GRXCR1: variants seen among roughly 807,000 people sequenced by gnomAD.
The protein encoded by GRXCR1 is glutaredoxin and cysteine rich domain containing 1.
A neutral mutation model predicts 27.3 loss-of-function variants in GRXCR1; 27 were observed. The ratio of observed to expected loss-of-function variants is 0.99; its 90% CI spans 0.73 to 1.37. GRXCR1 has a LOEUF of 1.37. Among genes scored for constraint, GRXCR1 ranks in the 40% most tolerant of loss-of-function variants. GRXCR1 has a pLI of 0.00. For synonymous variants in GRXCR1, 122 were observed against 131.1 expected (o/e 0.93, Z 0.47); for missense variants, 379 against 354.4 (o/e 1.07, Z -0.56).
At chr4:42,977,472 A>G (rs899003020) in intron 2 of GRXCR1, among the ~76,000 whole-genome samples, 1 of 151,668 alleles carries the variant, frequency 6.6e-6, no homozygotes. Flanking sequence ...CATTCTCACA[A>G]ACAATTATCT....
At chr4:42,910,872 A>C (rs1463150098) in intron 1 of GRXCR1, among the ~76,000 whole-genome samples, 3 of 151,226 alleles carry the variant, frequency 2.0e-5, no homozygotes, top group Non-Finnish European at 3.0e-5. Flanking sequence ...AAATGCTGCC[A>C]CTTTTTTTCT....
At chr4:42,997,156 ATTACC>A (rs1712193100) in intron 2 of GRXCR1, among the ~76,000 whole-genome samples, 1 of 152,112 alleles carries the variant, frequency 6.6e-6, no homozygotes, top group Non-Finnish European at 1.5e-5. Context: ...TTAATAGGTT[ATTACC>A]CATAGGTAAG....
intron 2 of GRXCR1, among the ~76,000 whole-genome samples, chr4:42,989,362 G>A (rs1158567822): frequency 6.6e-6 from 1 of 151,958 alleles, no homozygotes; most frequent in East Asian, 1.9e-4. Context: ...TATTGGATTA[G>A]GTCCTTACTC....
At chr4:42,941,430 T>C (rs1286611680) in intron 1 of GRXCR1, among the ~76,000 whole-genome samples, 1 of 152,082 alleles carries the variant, frequency 6.6e-6, no homozygotes, top group Non-Finnish European at 1.5e-5. Flanking sequence ...TTTGAATGCC[T>C]ATTGAGGAGG....
chr4:42,970,685 T>C (rs1380856663), intron 2 of GRXCR1, among the ~76,000 whole-genome samples: 1 of 152,168 alleles, frequency 6.6e-6, no homozygotes, highest in Non-Finnish European at 1.5e-5. Flanking sequence ...TTTTTCCTCC[T>C]AGGCCTCTGG....
chr4:42,926,748 C>G (rs1747167507), intron 1 of GRXCR1, among the ~76,000 whole-genome samples: 1 of 151,902 alleles, frequency 6.6e-6, no homozygotes, highest in African/African-American at 2.4e-5. Context: ...CTGAAGATGT[C>G]TTTCATTAAT....
chr4:42,980,462 G>A (rs535284159), intron 2 of GRXCR1, among the ~76,000 whole-genome samples: 1 of 151,874 alleles, frequency 6.6e-6, no homozygotes, highest in Non-Finnish European at 1.5e-5. Context: ...AGTTTCTCCT[G>A]TTATTGGTTT....
chr4:42,998,351 T>C (rs1360416584), intron 2 of GRXCR1, among the ~76,000 whole-genome samples: 1 of 152,202 alleles, frequency 6.6e-6, no homozygotes, highest in Non-Finnish European at 1.5e-5. Context: ...AAACTTCTAA[T>C]CTATAAATGG....
intron 2 of GRXCR1, among the ~76,000 whole-genome samples, chr4:42,993,122 A>G (rs1712027964): frequency 6.6e-6 from 1 of 151,314 alleles, no homozygotes; most frequent in East Asian, 1.9e-4. Flanking sequence ...TTCTTTTTTT[A>G]TTTCTTCCTT....
intron 2 of GRXCR1, among the ~76,000 whole-genome samples, chr4:42,983,610 G>T (rs1375561881): frequency 6.6e-6 from 1 of 152,068 alleles, no homozygotes; most frequent in Non-Finnish European, 1.5e-5. Context: ...TTGGTAGCTT[G>T]ATGGGTATGG....
At chr4:43,011,687 G>C (rs907254101) in intron 2 of GRXCR1, among the ~76,000 whole-genome samples, 4 of 152,112 alleles carry the variant, frequency 2.6e-5, no homozygotes, top group Non-Finnish European at 5.9e-5. Flanking sequence ...ATCATCATGA[G>C]TTTAAAATGA....
chr4:42,969,221 T>C (rs1156821632), intron 2 of GRXCR1, among the ~76,000 whole-genome samples: 2 of 152,186 alleles, frequency 1.3e-5, no homozygotes, highest in African/African-American at 2.4e-5. Context: ...TTTTAAACCA[T>C]GTGAAAGTAT....
chr4:42,968,593 A>G (rs1748304994), intron 2 of GRXCR1, among the ~76,000 whole-genome samples: 1 of 152,060 alleles, frequency 6.6e-6, no homozygotes, highest in African/African-American at 2.4e-5. Flanking sequence ...ATCTAGGACC[A>G]CTTTCTAATT....
chr4:42,985,008 C>T (rs1711661191), intron 2 of GRXCR1, among the ~76,000 whole-genome samples: 1 of 152,102 alleles, frequency 6.6e-6, no homozygotes, highest in East Asian at 1.9e-4. Flanking sequence ...TGATCACTTC[C>T]CTTCCTTAAT....
At chr4:42,957,636 C>T (rs1050492993) in intron 1 of GRXCR1, among the ~76,000 whole-genome samples, 4 of 151,782 alleles carry the variant, frequency 2.6e-5, no homozygotes, top group Non-Finnish European at 5.9e-5. Context: ...CTTTTGACTC[C>T]TCTGACTATG....
At chr4:42,949,677 C>T (rs1486744445) in intron 1 of GRXCR1, among the ~76,000 whole-genome samples, 1 of 152,140 alleles carries the variant, frequency 6.6e-6, no homozygotes, top group Non-Finnish European at 1.5e-5. Flanking sequence ...TCTGCACCAA[C>T]CAAGCTTTCA....
intron 2 of GRXCR1, among the ~76,000 whole-genome samples, chr4:42,970,771 A>AC: frequency 6.6e-6 from 1 of 152,162 alleles, no homozygotes; most frequent in African/African-American, 2.4e-5. Context: ...TTGGCTATTA[A>AC]CATTCAGGTC....
At chr4:43,024,686 A>G (rs1176917317) in intron 3 of GRXCR1, among the ~76,000 whole-genome samples, 1 of 152,200 alleles carries the variant, frequency 6.6e-6, no homozygotes, top group Admixed American at 6.5e-5. Flanking sequence ...GGATGCCGGA[A>G]ACACTGATGA....
At chr4:43,010,211 G>A (rs1712701909) in intron 2 of GRXCR1, among the ~76,000 whole-genome samples, 1 of 152,106 alleles carries the variant, frequency 6.6e-6, no homozygotes, top group Non-Finnish European at 1.5e-5. Flanking sequence ...AGACCAGCTT[G>A]GCTAACATGG....
Sources: allele counts gnomAD v4.1 joint callset (sites outside exome capture counted in the v4.1 genomes callset), GRCh38; gene constraint gnomAD v4.1.1; transcripts MANE v1.5; gene names NCBI Gene and HGNC (gene_info 2026-07-23, HGNC 2026-07-21).